The following TAF12 variants were observed in gnomAD, a reference collection of about 807,000 sequenced individuals.
The protein encoded by TAF12 is TATA-box binding protein associated factor 12, also known as transcription initiation factor TFIID subunit 12.
In TAF12, 3 loss-of-function variants were observed where a neutral mutation model predicts 20.8. That is an observed-to-expected ratio of 0.14 (90% CI 0.07 to 0.37). TAF12 has a LOEUF of 0.37. TAF12 is among the 10% of genes least tolerant of loss of function. TAF12 has a pLI of 1.00. For missense variants in TAF12, 131 were observed against 197.9 expected (o/e 0.66, Z 2.03); for synonymous variants, 69 against 70.2 (o/e 0.98, Z 0.09).
chr1:28,646,014 C>T (rs1342266783), upstream of TAF12: 2 of 151,602 alleles, frequency 1.3e-5, no homozygotes, highest in African/African-American at 2.4e-5. Context: ...GGCTTTACAC[C>T]TGTAATCCCA....
chr1:28,605,113 T>G (rs3795845), intron 5 of TAF12, among the ~76,000 whole-genome samples: 30,882 of 151,980 alleles, frequency 0.2, 3,862 homozygotes, highest in Middle Eastern at 0.32. Context: ...GAACCCAGAA[T>G]CAACAGCTTT....
intron 4 of TAF12, among the ~76,000 whole-genome samples, chr1:28,610,300 A>G (rs1666808531): frequency 6.6e-6 from 1 of 151,662 alleles, no homozygotes; most frequent in African/African-American, 2.4e-5. Context: ...GTATTTACTT[A>G]TTTATTTATT....
intron 5 of TAF12, among the ~76,000 whole-genome samples, chr1:28,604,158 G>A (rs141352805): frequency 0.021 from 3,209 of 152,224 alleles, 102 homozygotes; most frequent in African/African-American, 0.074. Context: ...ACCAGGCTCG[G>A]CCTCCCAAAG....
intron 2 of TAF12, among the ~76,000 whole-genome samples, chr1:28,618,455 G>A (rs532349676): frequency 5.3e-5 from 8 of 151,760 alleles, no homozygotes; most frequent in South Asian, 4.2e-4. Context: ...ATGGCTTACT[G>A]TAGCCTTGAC....
chr1:28,630,598 T>C (rs958406568), intron 1 of TAF12, among the ~76,000 whole-genome samples: 6 of 151,686 alleles, frequency 4.0e-5, no homozygotes, highest in Non-Finnish European at 7.4e-5. Flanking sequence ...TGTAAAAATA[T>C]ACAACTTCTT....
intron 3 of TAF12, among the ~76,000 whole-genome samples, chr1:28,615,678 C>CAAAAAAAAAAAA (rs57536422): frequency 2.9e-5 from 1 of 34,494 alleles, no homozygotes; most frequent in African/African-American, 1.3e-4. Flanking sequence ...GACTCCGTCT[C>CAAAAAAAAAAAA]AAAAAAAAAA....
At chr1:28,611,074 CTG>C (rs1457117328) in intron 4 of TAF12, among the ~76,000 whole-genome samples, 1 of 151,454 alleles carries the variant, frequency 6.6e-6, no homozygotes, top group African/African-American at 2.4e-5. Context: ...ATGCTGAAGA[CTG>C]TGTTAGAAAA....
At chr1:28,635,092 T>C (rs764642604) in intron 1 of TAF12, among the ~76,000 whole-genome samples, 5 of 145,866 alleles carry the variant, frequency 3.4e-5, no homozygotes, top group African/African-American at 5.0e-5. Flanking sequence ...TAGACAGGCA[T>C]GGTGGCGGGT....
In TAF12 at chr1:28,640,047, TG is replaced by T. The variant is rs1347857875; in HGVS notation, c.-85+2944del. Among the ~76,000 whole-genome samples, 3 of 152,210 alleles carry T rather than the reference TG, an allele frequency of 2.0e-5. No individual in the cohort carries two copies. In the East Asian group the frequency reaches 5.8e-4, roughly 29 times the overall value. On this transcript the variant is annotated intron_variant, in intron 1 of 5. Coordinates refer to ENST00000373824, the MANE Select transcript of TAF12 (RefSeq NM_005644.4). The stretch of plus-strand genomic sequence containing the variant: ...TAGTAGAGACGGGGTTTTGCCATGT[TG>T]GCCAGGCGGGTCTCGAACTCCTGAT...
At chr1:28,616,720 A>G (rs1667054819) in intron 3 of TAF12, among the ~76,000 whole-genome samples, 1 of 152,006 alleles carries the variant, frequency 6.6e-6, no homozygotes, top group Admixed American at 6.6e-5. Flanking sequence ...TGGGCAACAG[A>G]GCAAGACTGT....
At chr1:28,645,207 T>TC (rs1162826464), upstream of TAF12, among the ~76,000 whole-genome samples, 1 of 151,620 alleles carries the variant, frequency 6.6e-6, no homozygotes, top group Non-Finnish European at 1.5e-5. Flanking sequence ...GGCTAATTTT[T>TC]TGTATTTTTA....
exon 1 of TAF12, chr1:28,648,252 G>C (rs915916170): frequency 6.3e-5 from 62 of 985,200 alleles, no homozygotes; most frequent in Non-Finnish European, 7.5e-5. Context: ...CTTCTGTCGT[G>C]AGCAGTTGAC....
intron 2 of TAF12, among the ~76,000 whole-genome samples, chr1:28,621,545 A>C (rs1243238988): frequency 6.6e-6 from 1 of 152,236 alleles, no homozygotes; most frequent in Non-Finnish European, 1.5e-5. Flanking sequence ...AACACCTTTC[A>C]TAGGCAAGGT....
At chr1:28,621,100 T>C (rs980032869) in intron 2 of TAF12, among the ~76,000 whole-genome samples, 4 of 152,140 alleles carry the variant, frequency 2.6e-5, no homozygotes, top group Non-Finnish European at 5.9e-5. Context: ...AATTGACTAG[T>C]ACAGGTCCAC....
chr1:28,605,302 G>C (rs750632896), intron 5 of TAF12, 70 bp downstream of exon 5: 1 of 1,516,710 alleles, frequency 6.6e-7, no homozygotes, highest in East Asian at 2.3e-5. Flanking sequence ...AGGTAGCTGT[G>C]TGTATCCACT....
chr1:28,641,732 T>A (rs1668040440), intron 1 of TAF12, among the ~76,000 whole-genome samples: 1 of 138,884 alleles, frequency 7.2e-6, no homozygotes, highest in South Asian at 2.2e-4. Flanking sequence ...AGGTTGGAGG[T>A]GCACGGGGCC....
At chr1:28,628,599 T>G (rs1667515321) in intron 1 of TAF12, among the ~76,000 whole-genome samples, 1 of 145,732 alleles carries the variant, frequency 6.9e-6, no homozygotes, top group South Asian at 2.1e-4. Flanking sequence ...CTGATTATAT[T>G]AAAAAAAAAA....
chr1:28,614,674 CAAA>C (rs1192586079), intron 3 of TAF12, among the ~76,000 whole-genome samples: 5 of 85,608 alleles, frequency 5.8e-5, no homozygotes, highest in Non-Finnish European at 5.2e-5. Flanking sequence ...CAGGGCGAGA[CAAA>C]AAAAAAAAAA....
At chr1:28,634,619 T>C (rs1490476892) in intron 1 of TAF12, among the ~76,000 whole-genome samples, 1 of 151,748 alleles carries the variant, frequency 6.6e-6, no homozygotes, top group African/African-American at 2.4e-5. Context: ...ATTGTATGGG[T>C]TAGAGTTCAA....
Sources: allele counts gnomAD v4.1 joint callset (sites outside exome capture counted in the v4.1 genomes callset), GRCh38; gene constraint gnomAD v4.1.1; transcripts MANE v1.5; gene names NCBI Gene and HGNC (gene_info 2026-07-23, HGNC 2026-07-21).